SNTG1: variants seen among roughly 807,000 people sequenced by gnomAD.
SNTG1 encodes the protein gamma-1-syntrophin.
SNTG1 carries 39 observed loss-of-function variants against 74.7 expected under a neutral mutation model. That is an observed-to-expected ratio of 0.52 (90% CI 0.40 to 0.68). The LOEUF (loss-of-function observed/expected upper bound fraction) is 0.68, where lower values mean the gene tolerates loss of function less well. Among genes scored for constraint, SNTG1 ranks in the 30% least tolerant of loss-of-function variants. The pLI, the probability that SNTG1 is intolerant of heterozygous loss-of-function variation, is 0.00. For missense variants in SNTG1, 685 were observed against 609.5 expected (o/e 1.12, Z -1.30); for synonymous variants, 254 against 217.1 (o/e 1.17, Z -1.49).
At chr8:50,239,009 T>C (rs1179123396) in intron 2 of SNTG1, among the ~76,000 whole-genome samples, 1 of 152,158 alleles carries the variant, frequency 6.6e-6, no homozygotes, top group Non-Finnish European at 1.5e-5. Context: ...CTGGAGAAGT[T>C]GTGAGAAAGG....
chr8:49,935,937 C>A (rs987915324), intron 1 of SNTG1, among the ~76,000 whole-genome samples: 3 of 152,214 alleles, frequency 2.0e-5, no homozygotes, highest in Non-Finnish European at 4.4e-5. Context: ...TATCTGCGAT[C>A]TTCCCTCTGA....
chr8:50,333,493 T>C (rs2091036551), intron 2 of SNTG1, among the ~76,000 whole-genome samples: 1 of 152,264 alleles, frequency 6.6e-6, no homozygotes, highest in Admixed American at 6.5e-5. Context: ...TTATAATACT[T>C]CAGCTTCTCC....
chr8:50,596,493 T>C (rs2094728038), intron 13 of SNTG1, among the ~76,000 whole-genome samples: 2 of 152,086 alleles, frequency 1.3e-5, no homozygotes, highest in Non-Finnish European at 1.5e-5. Context: ...AGATTAAAGC[T>C]ATTTTTAAGG....
intron 4 of SNTG1, among the ~76,000 whole-genome samples, chr8:50,425,287 G>A (rs57376412): frequency 0.016 from 1,447 of 93,228 alleles, 23 homozygotes; most frequent in African/African-American, 0.046. Context: ...CAGGAGGTGA[G>A]CGGCAGGTGA....
At chr8:50,683,728 G>C (rs2095340615) in intron 15 of SNTG1, among the ~76,000 whole-genome samples, 1 of 152,130 alleles carries the variant, frequency 6.6e-6, no homozygotes, top group African/African-American at 2.4e-5. Context: ...ACTACTTGAG[G>C]GATTTAGGAA....
intron 1 of SNTG1, among the ~76,000 whole-genome samples, chr8:50,153,415 C>T (rs955465665): frequency 1.1e-4 from 16 of 152,234 alleles, no homozygotes; most frequent in African/African-American, 1.7e-4. Context: ...CAGCATCATT[C>T]TCTCTCCAGT....
At chr8:50,358,405 C>T (rs1393426356) in intron 2 of SNTG1, among the ~76,000 whole-genome samples, 1 of 152,066 alleles carries the variant, frequency 6.6e-6, no homozygotes, top group Admixed American at 6.6e-5. Context: ...CTCAGGAAAC[C>T]CTGAAGGACA....
intron 4 of SNTG1, among the ~76,000 whole-genome samples, chr8:50,420,664 G>A (rs1009768903): frequency 1.4e-4 from 22 of 152,146 alleles, no homozygotes; most frequent in Middle Eastern, 3.4e-3. Flanking sequence ...GATGGTTCAA[G>A]CCAAAATTTT....
chr8:50,390,777 G>T (rs2092646635), intron 2 of SNTG1, among the ~76,000 whole-genome samples: 1 of 152,040 alleles, frequency 6.6e-6, no homozygotes, highest in African/African-American at 2.4e-5. Context: ...CCTTGAAAAG[G>T]TCCTCCACAT....
intron 2 of SNTG1, among the ~76,000 whole-genome samples, chr8:50,317,099 A>G (rs888939798): frequency 6.6e-6 from 1 of 152,172 alleles, no homozygotes; most frequent in African/African-American, 2.4e-5. Flanking sequence ...TGCTTTTGAT[A>G]AATATCTGGT....
intron 8 of SNTG1, among the ~76,000 whole-genome samples, chr8:50,488,702 C>T (rs547163723): frequency 2.3e-4 from 35 of 152,216 alleles, no homozygotes; most frequent in African/African-American, 5.3e-4. Flanking sequence ...TATTGACAGA[C>T]GGGTTCCAAG....
Position 50,520,734 on chromosome 8 carries a change from G to A in SNTG1, c.467-9443G>A, listed in dbSNP as rs192538231. ...AAATCACAACGAGATACCATCTCAC[G>A]CCAGTTAGAATGGTGATCATTAAGA... is the stretch of plus-strand genomic sequence containing the variant. On this transcript the variant is annotated intron_variant, in intron 9 of 18. Transcript: ENST00000642720. Among the ~76,000 whole-genome samples, 147 of 152,210 alleles carry A rather than the reference G, an allele frequency of 9.7e-4. 1 individual carries two copies. The highest frequency in any genetic ancestry group is 1.3e-3 in the African/African-American group (56 of 41,556).
intron 1 of SNTG1, among the ~76,000 whole-genome samples, chr8:50,124,662 T>C (rs2081088513): frequency 7.1e-6 from 1 of 141,688 alleles, no homozygotes; most frequent in African/African-American, 2.5e-5. Context: ...AGCTTCAAAT[T>C]ATTGGTGAAT....
At chr8:50,253,985 A>G (rs763932069) in intron 2 of SNTG1, among the ~76,000 whole-genome samples, 22 of 152,182 alleles carry the variant, frequency 1.4e-4, no homozygotes, top group Non-Finnish European at 2.6e-4. Context: ...TTTACTGCAC[A>G]ATGTGATGAA....
chr8:50,551,269 T>G lies in SNTG1; in HGVS notation c.681-1781T>G, dbSNP rs143289614. ...TATGTTCATAAAAGAGTTTCCATATTTGAAAAGTTGAAACAGAATGTAAAA... is the reference window on the plus strand; with the variant it reads ...TATGTTCATAAAAGAGTTTCCATATGTGAAAAGTTGAAACAGAATGTAAAA... On this transcript the variant is annotated intron_variant, in intron 11 of 18. Transcript: ENST00000642720. Among the ~76,000 whole-genome samples, 1,308 of 152,230 alleles carry G rather than the reference T, an allele frequency of 8.6e-3. 19 individuals carry two copies. The highest frequency in any genetic ancestry group is 0.03 in the African/African-American group (1,263 of 41,546).
intron 1 of SNTG1, among the ~76,000 whole-genome samples, chr8:50,023,749 A>G (rs561932196): frequency 1.6e-4 from 25 of 152,228 alleles, no homozygotes; most frequent in African/African-American, 5.8e-4. Context: ...CTTTTTTCCA[A>G]TATATTTAGT....
chr8:50,041,122 C>G (rs1333093108), intron 1 of SNTG1, among the ~76,000 whole-genome samples: 4 of 152,114 alleles, frequency 2.6e-5, no homozygotes. Flanking sequence ...TCTCGAGCTC[C>G]CGACCTCAGA....
rs139429463 is a variant in SNTG1, at chr8:50,412,128, A to G, written c.162+9784A>G. The stretch of plus-strand genomic sequence containing the variant: ...TTTTTTGTGAAATACATTGCTAGGT[A>G]TAAGATTCATATTAAGGATATTTAT... On this transcript the variant is annotated intron_variant, in intron 4 of 18. Coordinates refer to ENST00000642720, the MANE Select transcript of SNTG1 (RefSeq NM_018967.5). Among the ~76,000 whole-genome samples, 86 of 152,322 alleles carry G rather than the reference A, an allele frequency of 5.6e-4. No homozygotes were observed. In the East Asian group the frequency reaches 0.015, roughly 27 times the overall value.
intron 4 of SNTG1, among the ~76,000 whole-genome samples, chr8:50,425,482 C>T (rs1004325445): frequency 6.6e-6 from 1 of 152,096 alleles, no homozygotes; most frequent in Admixed American, 6.6e-5. Context: ...CACCTAGTTG[C>T]AGGAAAACAA....
Sources: allele counts gnomAD v4.1 joint callset (sites outside exome capture counted in the v4.1 genomes callset), GRCh38; gene constraint gnomAD v4.1.1; transcripts MANE v1.5; gene names NCBI Gene and HGNC (gene_info 2026-07-23, HGNC 2026-07-21).